RIMS2: variants seen among roughly 807,000 people sequenced by gnomAD.
RIMS2 encodes regulating synaptic membrane exocytosis 2.
Under a neutral mutation model 174.4 loss-of-function variants are expected in RIMS2, and 59 were observed. The ratio of observed to expected loss-of-function variants is 0.34; its 90% CI spans 0.27 to 0.42. RIMS2 has a LOEUF of 0.42. Among genes scored for constraint, RIMS2 ranks in the 10% least tolerant of loss-of-function variants. The probability of loss-of-function intolerance (pLI) is 1.00; values close to 1 mark genes in which losing one functional copy is unlikely to be tolerated. For missense variants in RIMS2, 1,620 were observed against 1,666.3 expected (o/e 0.97, Z 0.48); for synonymous variants, 606 against 572.5 (o/e 1.06, Z -0.84).
intron 4 of RIMS2, among the ~76,000 whole-genome samples, chr8:103,889,345 A>G (rs1219563399): frequency 6.6e-6 from 1 of 151,730 alleles, no homozygotes; most frequent in Non-Finnish European, 1.5e-5. Context: ...AAATAACTCC[A>G]AAGAATGTGT....
intron 2 of RIMS2, among the ~76,000 whole-genome samples, chr8:103,734,014 C>CTTT (rs59348302): frequency 1.1e-3 from 91 of 85,650 alleles, no homozygotes; most frequent in South Asian, 1.4e-3. Context: ...CTAAAAGCTT[C>CTTT]TTTTTTTTTT....
intron 8 of RIMS2, among the ~76,000 whole-genome samples, chr8:103,917,505 T>G (rs938306667): frequency 1.3e-5 from 2 of 152,214 alleles, no homozygotes; most frequent in African/African-American, 4.8e-5. Flanking sequence ...AATATATTTC[T>G]TGGTATTAAA....
At chr8:103,555,163 A>G (rs1849826147) in intron 1 of RIMS2, among the ~76,000 whole-genome samples, 1 of 152,156 alleles carries the variant, frequency 6.6e-6, no homozygotes, top group Non-Finnish European at 1.5e-5. Context: ...AAACCTGCAC[A>G]TGTACCCCTG....
intron 1 of RIMS2, among the ~76,000 whole-genome samples, chr8:103,533,537 T>TA (rs1379110279): frequency 1.3e-5 from 2 of 150,950 alleles, no homozygotes; most frequent in African/African-American, 4.9e-5. Flanking sequence ...TAAGATGTGT[T>TA]AAAAACTGAT....
At chr8:103,743,695 TA>T (rs1378524028) in intron 2 of RIMS2, among the ~76,000 whole-genome samples, 2 of 152,180 alleles carry the variant, frequency 1.3e-5, no homozygotes, top group Non-Finnish European at 2.9e-5. Flanking sequence ...TATGCAAATT[TA>T]AAGGGAATGA....
intron 19 of RIMS2, among the ~76,000 whole-genome samples, chr8:104,063,989 T>C (rs2097056094): frequency 6.6e-6 from 1 of 152,204 alleles, no homozygotes; most frequent in Non-Finnish European, 1.5e-5. Context: ...CGATGATCTT[T>C]GTAGTACATG....
chr8:104,182,840 C>T (rs775358900), intron 19 of RIMS2, among the ~76,000 whole-genome samples: 1 of 151,654 alleles, frequency 6.6e-6, no homozygotes, highest in South Asian at 2.1e-4. Flanking sequence ...AGATAATATC[C>T]ATTTCAATAG....
chr8:104,200,242 G>C (rs1262984489), intron 19 of RIMS2, among the ~76,000 whole-genome samples: 1 of 152,174 alleles, frequency 6.6e-6, no homozygotes, highest in Non-Finnish European at 1.5e-5. Flanking sequence ...AGTTAAAACT[G>C]TATGTGTTGA....
At chr8:103,529,019 C>T (rs375500340) in intron 1 of RIMS2, among the ~76,000 whole-genome samples, 1 of 152,142 alleles carries the variant, frequency 6.6e-6, no homozygotes, top group Admixed American at 6.5e-5. Context: ...TCTTCCTATC[C>T]ATGAGCATGG....
chr8:103,766,390 A>G (rs1300738972), exon 3 of RIMS2: 2 of 1,613,782 alleles, frequency 1.2e-6, no homozygotes, highest in Admixed American at 3.3e-5. Flanking sequence ...CCAAAACTAC[A>G]TGAGCAGACC....
At chr8:103,630,580 C>CAAAA (rs61194218) in intron 1 of RIMS2, among the ~76,000 whole-genome samples, 131 of 86,934 alleles carry the variant, frequency 1.5e-3, no homozygotes, top group African/African-American at 4.7e-3. Flanking sequence ...AACTCCATCT[C>CAAAA]AAAAAAAAAA....
chr8:103,815,801 TACTGAGTTTACTTCCAAAC>T (rs1396339435), intron 3 of RIMS2, among the ~76,000 whole-genome samples: 1 of 152,222 alleles, frequency 6.6e-6, no homozygotes, highest in Non-Finnish European at 1.5e-5. Flanking sequence ...AAATAGTTCA[TACTGAGTTTACTTCCAAAC>T]ACTGTATACT....
intron 3 of RIMS2, among the ~76,000 whole-genome samples, chr8:103,792,002 G>C (rs1039401183): frequency 2.6e-5 from 4 of 152,058 alleles, no homozygotes; most frequent in African/African-American, 9.7e-5. Flanking sequence ...GTCAACAAGA[G>C]ACAGATCAAC....
chr8:104,053,589 G>A (rs903040558), intron 19 of RIMS2, among the ~76,000 whole-genome samples: 2 of 152,098 alleles, frequency 1.3e-5, no homozygotes, highest in Non-Finnish European at 1.5e-5. Context: ...CTTTTAAAAT[G>A]CAGTCAATAT....
At chr8:104,247,459 C>A (rs114636187) in intron 20 of RIMS2, among the ~76,000 whole-genome samples, 1 of 152,140 alleles carries the variant, frequency 6.6e-6, no homozygotes, top group African/African-American at 2.4e-5. Flanking sequence ...TAGGGCACCA[C>A]GCAAATGGCC....
intron 1 of RIMS2, among the ~76,000 whole-genome samples, chr8:103,508,603 T>C (rs998601557): frequency 2.0e-5 from 3 of 152,072 alleles, no homozygotes; most frequent in Non-Finnish European, 4.4e-5. Flanking sequence ...AAGCCTTCTA[T>C]GCTATTCTTT....
chr8:103,535,107 G>A (rs1213861007), intron 1 of RIMS2, among the ~76,000 whole-genome samples: 1 of 152,150 alleles, frequency 6.6e-6, no homozygotes, highest in African/African-American at 2.4e-5. Flanking sequence ...ACTTTAGAAT[G>A]TACTTATATA....
intron 2 of RIMS2, among the ~76,000 whole-genome samples, chr8:103,753,069 G>A (rs933622264): frequency 3.3e-5 from 5 of 152,106 alleles, no homozygotes; most frequent in Admixed American, 2.6e-4. Context: ...TTGGCTGTGG[G>A]TTTGTCATAG....
intron 3 of RIMS2, among the ~76,000 whole-genome samples, chr8:103,811,803 A>T (rs1303415809): frequency 2.6e-5 from 4 of 152,220 alleles, no homozygotes; most frequent in Admixed American, 2.6e-4. Flanking sequence ...GCACTGGATT[A>T]TTAAAGCAAC....
Sources: gnomAD v4.1 joint callset for allele counts (sites outside exome capture counted in the v4.1 genomes callset) on GRCh38, gnomAD v4.1.1 for gene constraint, MANE v1.5 for transcripts, NCBI Gene and HGNC (gene_info 2026-07-23, HGNC 2026-07-21) for gene names.